Variants in PDGFRA observed in about 807,000 individuals in gnomAD.
The protein encoded by PDGFRA is platelet-derived growth factor receptor alpha.
In PDGFRA, 25 loss-of-function variants were observed where a neutral mutation model predicts 121.5. The observed-to-expected ratio is 0.21, with a 90% CI of 0.15 to 0.29. The LOEUF (loss-of-function observed/expected upper bound fraction) is 0.29. Among genes scored for constraint, PDGFRA ranks in the 10% least tolerant of loss-of-function variants. PDGFRA has a pLI of 1.00. For missense variants in PDGFRA, 1,008 were observed against 1,345.1 expected (o/e 0.75, Z 3.92); for synonymous variants, 463 against 494.8 (o/e 0.94, Z 0.85).
At chr4:54,237,507 G>GCT (rs1721080523) in intron 1 of PDGFRA, among the ~76,000 whole-genome samples, 1 of 152,180 alleles carries the variant, frequency 6.6e-6, no homozygotes, top group African/African-American at 2.4e-5. Flanking sequence ...CATCAAGCTG[G>GCT]CTCTGGAGGC....
intron 1 of PDGFRA, among the ~76,000 whole-genome samples, chr4:54,247,338 G>A (rs1439958685): frequency 6.6e-6 from 1 of 152,136 alleles, no homozygotes; most frequent in Non-Finnish European, 1.5e-5. Context: ...CTGGCAAACA[G>A]AATCCAGCAG....
intron 9 of PDGFRA, among the ~76,000 whole-genome samples, chr4:54,272,913 C>T (rs1004884828): frequency 2.0e-5 from 3 of 152,210 alleles, no homozygotes; most frequent in Admixed American, 1.3e-4. Flanking sequence ...CCCGAGTCCT[C>T]AGCCTTCTTA....
intron 1 of PDGFRA, among the ~76,000 whole-genome samples, chr4:54,243,200 T>A (rs569864771): frequency 2.0e-5 from 3 of 152,206 alleles, no homozygotes; most frequent in African/African-American, 7.2e-5. Flanking sequence ...CACTGTCTGA[T>A]CGCATAGTGC....
At chr4:54,284,708 C>T (rs1577740317) in intron 16 of PDGFRA, among the ~76,000 whole-genome samples, 3 of 151,994 alleles carry the variant, frequency 2.0e-5, no homozygotes, top group Admixed American at 2.0e-4. Context: ...CCCCCATGAT[C>T]CAGTCACCTC....
intron 1 of PDGFRA, among the ~76,000 whole-genome samples, chr4:54,247,749 G>A (rs567143119): frequency 6.6e-6 from 1 of 152,252 alleles, no homozygotes; most frequent in Admixed American, 6.5e-5. Flanking sequence ...AGGAAATAAA[G>A]AGTATTCAGT....
In PDGFRA at chr4:54,264,928, A is replaced by C. The variant is rs1461389031; in HGVS notation, c.638A>C (p.Glu213Ala). ...TTGTTCTTTTTTATAGCAACATCAG[A>C]GCTGGATCTAGAAATGGAAGCTCTT... ...FNVYALKATS[E>A]LDLEMEALKT... Residue 213 changes from glutamate (E) to alanine (A), a missense_variant, in exon 5 of 23, where the codon GAG becomes GCG. Coordinates refer to ENST00000257290, the MANE Select transcript of PDGFRA (RefSeq NM_006206.6). 1 of 1,612,954 alleles carries C rather than the reference A, an allele frequency of 6.2e-7. No individual in the cohort carries two copies. Among genetic ancestry groups the C allele is most frequent in the Admixed American group, 1.7e-5 (1 of 59,958 alleles).
intron 1 of PDGFRA, among the ~76,000 whole-genome samples, chr4:54,246,890 A>C (rs1721707561): frequency 6.6e-6 from 1 of 152,090 alleles, no homozygotes; most frequent in Non-Finnish European, 1.5e-5. Flanking sequence ...AGGGGATATC[A>C]CCACCGATCC....
intron 1 of PDGFRA, among the ~76,000 whole-genome samples, chr4:54,239,000 A>C (rs967979403): frequency 6.6e-6 from 1 of 152,154 alleles, no homozygotes; most frequent in African/African-American, 2.4e-5. Context: ...TAAATAAATA[A>C]GCCAGCAAAA....
intron 8 of PDGFRA, among the ~76,000 whole-genome samples, chr4:54,272,138 C>T (rs1456277495): frequency 6.6e-6 from 1 of 151,312 alleles, no homozygotes; most frequent in Non-Finnish European, 1.5e-5. Context: ...TGAGGCATCA[C>T]AACCATGGAC....
chr4:54,239,956 TCC>T (rs1577673755), intron 1 of PDGFRA: 1 of 246,924 alleles, frequency 4.0e-6, no homozygotes, highest in Non-Finnish European at 8.9e-6. Flanking sequence ...GCTCAAGTGA[TCC>T]TTCCACCTCA....
intron 1 of PDGFRA, among the ~76,000 whole-genome samples, chr4:54,239,005 G>A (rs138519079): frequency 3.8e-4 from 58 of 152,190 alleles, no homozygotes; most frequent in Non-Finnish European, 7.4e-4. Flanking sequence ...AAATAAGCCA[G>A]CAAAACCAGA....
chr4:54,290,601 A>C, intron 22 of PDGFRA, 47 bp downstream of exon 22: 1 of 1,609,410 alleles, frequency 6.2e-7, no homozygotes, highest in Non-Finnish European at 8.5e-7. Context: ...CCTCCCCTAT[A>C]GGCCCTGAAG....
At chr4:54,243,383 A>G (rs1016894243) in intron 1 of PDGFRA, among the ~76,000 whole-genome samples, 11 of 152,202 alleles carry the variant, frequency 7.2e-5, no homozygotes, top group African/African-American at 2.4e-4. Flanking sequence ...AGGAAAGCAA[A>G]ATGTGTTTTT....
chr4:54,240,875 T>A (rs2110188285), intron 1 of PDGFRA, among the ~76,000 whole-genome samples: 1 of 152,358 alleles, frequency 6.6e-6, no homozygotes, highest in South Asian at 2.1e-4. Context: ...CGTTCCTACA[T>A]TATGGCTAGA....
intron 1 of PDGFRA, among the ~76,000 whole-genome samples, chr4:54,232,451 G>A (rs1720738841): frequency 6.6e-6 from 1 of 152,228 alleles, no homozygotes; most frequent in Non-Finnish European, 1.5e-5. Context: ...ACCCGACTTG[G>A]GGCGCCTCCT....
At chr4:54,264,795 T>C (rs969785344) in intron 4 of PDGFRA, 124 bp from the exon 5 acceptor site, 18 of 881,832 alleles carry the variant, frequency 2.0e-5, no homozygotes, top group Middle Eastern at 2.4e-4. Flanking sequence ...AATTTTATCT[T>C]GATCAAACTG....
chr4:54,261,508 T>C, intron 3 of PDGFRA, 96 bp downstream of exon 3: 1 of 721,486 alleles, frequency 1.4e-6, no homozygotes, highest in Non-Finnish European at 2.3e-6. Flanking sequence ...ATAATTAATA[T>C]TTATTGCGGG....
chr4:54,292,404 A>G (rs1361057035), intron 22 of PDGFRA, among the ~76,000 whole-genome samples: 1 of 152,220 alleles, frequency 6.6e-6, no homozygotes, highest in African/African-American at 2.4e-5. Flanking sequence ...TACCGTCAGC[A>G]AACTAACACA....
At chr4:54,253,916 C>T (rs1722207558) in intron 1 of PDGFRA, among the ~76,000 whole-genome samples, 1 of 152,132 alleles carries the variant, frequency 6.6e-6, no homozygotes, top group Non-Finnish European at 1.5e-5. Flanking sequence ...AACTCCTGAC[C>T]TCAAGTGATT....
Sources: allele counts gnomAD v4.1 joint callset (sites outside exome capture counted in the v4.1 genomes callset), GRCh38; gene constraint gnomAD v4.1.1; transcripts MANE v1.5; gene names NCBI Gene and HGNC (gene_info 2026-07-23, HGNC 2026-07-21).